Variants in CA10 observed in about 807,000 individuals in gnomAD.
The protein encoded by CA10 is carbonic anhydrase-related protein 10.
CA10 carries 14 observed loss-of-function variants against 44.2 expected under a neutral mutation model. That is an observed-to-expected ratio of 0.32 (90% CI 0.21 to 0.50). The LOEUF (loss-of-function observed/expected upper bound fraction) is 0.50. Among genes scored for constraint, CA10 ranks in the 20% least tolerant of loss-of-function variants. CA10 has a pLI of 0.99. For synonymous variants in CA10, 159 were observed against 141.6 expected, an observed-to-expected ratio of 1.12 and a Z score of -0.87; for missense variants, 350 against 409.7, an observed-to-expected ratio of 0.85 and a Z score of 1.26.
At chr17:51,995,356 TA>T (rs901558273) in intron 2 of CA10, among the ~76,000 whole-genome samples, 10 of 152,140 alleles carry the variant, frequency 6.6e-5, no homozygotes, top group Admixed American at 3.3e-4. Context: ...ACAAATAAGT[TA>T]AAAAAATAGG....
At chr17:51,634,210 A>G (rs1247886352) in intron 7 of CA10, among the ~76,000 whole-genome samples, 1 of 152,228 alleles carries the variant, frequency 6.6e-6, no homozygotes, top group Non-Finnish European at 1.5e-5. Flanking sequence ...GAAGAGGACA[A>G]CAGAGAGAAA....
rs117587971 is a variant in CA10 at position 52,130,920 on chromosome 17, A to G, written c.61+26806T>C. 7.6e-3 allele frequency among the ~76,000 whole-genome samples: 1,156 copies of G among 152,280 alleles called. 42 individuals carry two copies. Among genetic ancestry groups the G allele is most frequent in the Admixed American group, 0.054 (832 of 15,286 alleles). The stretch of plus-strand genomic sequence containing the variant: ...AGATCTATTGTACACCATGGTGACT[A>G]TAGTGAATAACTATGTATTGTATAC... On this transcript the variant is annotated intron_variant, in intron 1 of 8. Coordinates refer to ENST00000451037, the MANE Select transcript of CA10 (RefSeq NM_020178.5).
intron 3 of CA10, among the ~76,000 whole-genome samples, chr17:51,852,569 C>T (rs1001597714): frequency 1.3e-5 from 2 of 152,182 alleles, no homozygotes; most frequent in Non-Finnish European, 2.9e-5. Flanking sequence ...CAAAGTCACA[C>T]AGCTGAAATT....
intron 3 of CA10, among the ~76,000 whole-genome samples, chr17:51,919,580 T>C (rs532612060): frequency 7.9e-5 from 12 of 152,372 alleles, no homozygotes; most frequent in Admixed American, 2.6e-4. Flanking sequence ...ATTATGTGAA[T>C]AACACATTTT....
intron 4 of CA10, among the ~76,000 whole-genome samples, chr17:51,654,558 A>ATT (rs35152422): frequency 7.6e-5 from 11 of 145,234 alleles, no homozygotes; most frequent in African/African-American, 2.8e-4. Flanking sequence ...TGGAAGCCTA[A>ATT]TTTTTTTTTT....
chr17:51,934,653 C>T (rs760436680), intron 2 of CA10, among the ~76,000 whole-genome samples: 3 of 152,146 alleles, frequency 2.0e-5, no homozygotes, highest in South Asian at 2.1e-4. Flanking sequence ...TCAGTTCAGG[C>T]GATGTGTTTG....
intron 4 of CA10, among the ~76,000 whole-genome samples, chr17:51,720,625 G>T (rs1916322675): frequency 6.6e-6 from 1 of 152,180 alleles, no homozygotes; most frequent in Admixed American, 6.5e-5. Flanking sequence ...AACATGGATG[G>T]AACTGGAGGA....
At chr17:52,095,164 A>G (rs1321151280) in intron 1 of CA10, among the ~76,000 whole-genome samples, 1 of 152,188 alleles carries the variant, frequency 6.6e-6, no homozygotes, top group Non-Finnish European at 1.5e-5. Flanking sequence ...TCCTACCTTG[A>G]ACAACATAGG....
At chr17:52,120,456 CCTT>C (rs1988991433) in intron 1 of CA10, among the ~76,000 whole-genome samples, 1 of 151,890 alleles carries the variant, frequency 6.6e-6, no homozygotes, top group Non-Finnish European at 1.5e-5. Flanking sequence ...TTATCCTTAT[CCTT>C]ATCCTTATCC....
chr17:52,135,049 C>A (rs1303969360), intron 1 of CA10: 1 of 486,552 alleles, frequency 2.1e-6, no homozygotes, highest in South Asian at 1.5e-5. Flanking sequence ...CCTGAGGTCG[C>A]CTGTGAGAAA....
intron 2 of CA10, among the ~76,000 whole-genome samples, chr17:52,044,543 C>T (rs994292683): frequency 2.6e-5 from 4 of 151,878 alleles, no homozygotes; most frequent in African/African-American, 9.7e-5. Context: ...AGCTCAAGCC[C>T]TCCACCCACC....
rs190020966 is a variant in CA10, at chr17:52,127,208, G to A, written c.61+30518C>T. Among the ~76,000 whole-genome samples, 93 of 152,198 alleles carry A rather than the reference G, an allele frequency of 6.1e-4. 1 individual carries two copies. Among genetic ancestry groups the A allele is most frequent in the Non-Finnish European group, 1.0e-3 (68 of 68,000 alleles). On this transcript the variant is annotated intron_variant, in intron 1 of 8. Coordinates refer to ENST00000451037, the MANE Select transcript of CA10 (RefSeq NM_020178.5). ...TATATGGATTTTACATAAATAGCAC[G>A]CTATACATATTGTCCAGCAAGTTTG...
chr17:52,034,569 A>C (rs1986562452), intron 2 of CA10, among the ~76,000 whole-genome samples: 1 of 152,096 alleles, frequency 6.6e-6, no homozygotes, highest in African/African-American at 2.4e-5. Context: ...GTTACATAGG[A>C]GTCCCCTCTA....
chr17:51,979,523 C>G (rs1372222943), intron 2 of CA10, among the ~76,000 whole-genome samples: 1 of 152,100 alleles, frequency 6.6e-6, no homozygotes, highest in African/African-American at 2.4e-5. Context: ...TTGTTTTCTT[C>G]TTTGTGTTCA....
At chr17:51,929,397 C>T (rs1242014106) in intron 3 of CA10, among the ~76,000 whole-genome samples, 2 of 152,246 alleles carry the variant, frequency 1.3e-5, no homozygotes, top group South Asian at 2.1e-4. Context: ...ATTCAGCTCC[C>T]GAACACTGCC....
intron 3 of CA10, among the ~76,000 whole-genome samples, chr17:51,792,405 ATT>A (rs1906555239): frequency 1.3e-5 from 2 of 152,222 alleles, no homozygotes; most frequent in South Asian, 4.1e-4. Context: ...TAATCAAATC[ATT>A]TAACAGCTTC....
At chr17:51,820,418 C>CAA (rs1491135832) in intron 3 of CA10, among the ~76,000 whole-genome samples, 11 of 71,870 alleles carry the variant, frequency 1.5e-4, no homozygotes, top group East Asian at 6.5e-4. Context: ...CCCCCCCCCC[C>CAA]GCCCGCCGAT....
chr17:51,973,545 A>T (rs979013968), intron 2 of CA10, among the ~76,000 whole-genome samples: 3 of 152,206 alleles, frequency 2.0e-5, no homozygotes, highest in African/African-American at 4.8e-5. Context: ...AAGCCTGCAT[A>T]ATATGGGGAA....
rs576805336 is a variant in CA10 at position 52,037,902 on chromosome 17, C to G, written c.136+34417G>C. Among the ~76,000 whole-genome samples the G allele has an allele frequency of 2.0e-5, 3 of 152,208 alleles. No homozygotes were observed. In the South Asian group the frequency reaches 6.2e-4, roughly 32 times the overall value. ...TCCATACCAGACCCTCATTATCTTG[C>G]CCACCTACTACTATCCTCTGGCCCA... On this transcript the variant is annotated intron_variant, in intron 2 of 8. Transcript: ENST00000451037.
Sources: gnomAD v4.1 joint callset for allele counts (sites outside exome capture counted in the v4.1 genomes callset) on GRCh38, gnomAD v4.1.1 for gene constraint, MANE v1.5 for transcripts, NCBI Gene and HGNC (gene_info 2026-07-23, HGNC 2026-07-21) for gene names.